GARIN1B: variants seen among roughly 807,000 people sequenced by gnomAD.
The protein encoded by GARIN1B is Golgi-associated RAB2 interactor protein 1B.
chr7:128,731,225 G>A, the GARIN1B span: 8 of 1,006,328 alleles, frequency 7.9e-6, no homozygotes, highest in African/African-American at 1.1e-4. Flanking sequence ...TGCAACCAAG[G>A]AAGAATAGAG....
chr7:128,725,884 C>A, the GARIN1B span, among the ~76,000 whole-genome samples: 1 of 152,178 alleles, frequency 6.6e-6, no homozygotes, highest in Admixed American at 6.5e-5. Context: ...CTCTCTGGCA[C>A]AGACAGCTTT....
At chr7:128,724,698 C>T in the GARIN1B span, 16 of 1,285,906 alleles carry the variant, frequency 1.2e-5, no homozygotes, top group Non-Finnish European at 1.4e-5. Flanking sequence ...AAGGAGAGAA[C>T]AGAAATAAAT....
chr7:128,731,193 G>C, the GARIN1B span: 2 of 1,320,088 alleles, frequency 1.5e-6, no homozygotes, highest in Non-Finnish European at 2.2e-6. Context: ...AGGGATTATC[G>C]GGATGGAGAG....
the GARIN1B span, among the ~76,000 whole-genome samples, chr7:128,716,296 C>A: frequency 6.6e-6 from 1 of 152,252 alleles, no homozygotes; most frequent in South Asian, 2.1e-4. Flanking sequence ...ATGAACAGCA[C>A]TTTGGAGTTA....
the GARIN1B span, among the ~76,000 whole-genome samples, chr7:128,725,338 T>TTTCCTTCCTTCCTTCCTTCCTTCCTTCC: frequency 2.0e-5 from 3 of 149,404 alleles, no homozygotes; most frequent in South Asian, 4.3e-4. Flanking sequence ...ATCAAATCAC[T>TTTCCTTCCTTCCTTCCTTCCTTCCTTCC]TTCCTTCCTT....
chr7:128,710,956 C>G, the GARIN1B span, among the ~76,000 whole-genome samples: 1 of 152,128 alleles, frequency 6.6e-6, no homozygotes, highest in Non-Finnish European at 1.5e-5. Context: ...CTGCGCCTGG[C>G]CTGGTTTTTC....
At chr7:128,717,063 T>G in the GARIN1B span, 1 of 1,428,246 alleles carries the variant, frequency 7.0e-7, no homozygotes, top group Non-Finnish European at 9.5e-7. Flanking sequence ...GGAGGTTGCT[T>G]GACTACTAAA....
At chr7:128,712,376 G>A in the GARIN1B span, among the ~76,000 whole-genome samples, 1 of 152,274 alleles carries the variant, frequency 6.6e-6, no homozygotes, top group East Asian at 1.9e-4. Context: ...GTGGCATGAA[G>A]TACATTCTCA....
the GARIN1B span, chr7:128,731,284 C>T: frequency 1.4e-6 from 1 of 714,854 alleles, no homozygotes. Flanking sequence ...TAACCACGTC[C>T]TCGCCACTGC....
chr7:128,722,071 G>A, the GARIN1B span, among the ~76,000 whole-genome samples: 1 of 151,938 alleles, frequency 6.6e-6, no homozygotes, highest in South Asian at 2.1e-4. Context: ...AATTTTCTTG[G>A]GATATCTTTG....
the GARIN1B span, among the ~76,000 whole-genome samples, chr7:128,719,995 C>T: frequency 2.0e-5 from 3 of 151,730 alleles, no homozygotes; most frequent in African/African-American, 7.3e-5. Context: ...GCACTGTGCC[C>T]GGCATTGACC....
the GARIN1B span, among the ~76,000 whole-genome samples, chr7:128,714,967 G>A: frequency 1.3e-5 from 2 of 152,222 alleles, no homozygotes; most frequent in African/African-American, 4.8e-5. Flanking sequence ...ATAACCTGCA[G>A]ATCCACCAGG....
the GARIN1B span, chr7:128,723,292 C>A: frequency 6.2e-7 from 1 of 1,612,646 alleles, no homozygotes; most frequent in South Asian, 1.1e-5. Context: ...AGATTTTTGC[C>A]GACTTACACC....
chr7:128,723,228 C>A, the GARIN1B span: 1 of 1,612,604 alleles, frequency 6.2e-7, no homozygotes, highest in East Asian at 2.2e-5. Context: ...GCCTCCCAGC[C>A]CAGCGAGAGT....
chr7:128,713,809 C>G, the GARIN1B span: 1 of 472,262 alleles, frequency 2.1e-6, no homozygotes, highest in African/African-American at 2.0e-5. Flanking sequence ...CAAGTATACT[C>G]AAATTGTATA....
At chr7:128,721,673 T>C in the GARIN1B span, among the ~76,000 whole-genome samples, 1 of 152,220 alleles carries the variant, frequency 6.6e-6, no homozygotes, top group Non-Finnish European at 1.5e-5. Flanking sequence ...TTCCTGATCT[T>C]AGGAAAAAAA....
At chr7:128,720,381 G>A in the GARIN1B span, among the ~76,000 whole-genome samples, 1 of 151,664 alleles carries the variant, frequency 6.6e-6, no homozygotes, top group Non-Finnish European at 1.5e-5. Context: ...GTATTTTTTG[G>A]TAGAGACAGG....
the GARIN1B span, among the ~76,000 whole-genome samples, chr7:128,711,350 A>T: frequency 6.6e-6 from 1 of 152,094 alleles, no homozygotes; most frequent in South Asian, 2.1e-4. Context: ...CAACCAGACA[A>T]ACCTAGAAGG....
the GARIN1B span, among the ~76,000 whole-genome samples, chr7:128,722,768 C>T: frequency 1.3e-5 from 2 of 151,970 alleles, no homozygotes; most frequent in Non-Finnish European, 2.9e-5. Flanking sequence ...CGCACCACTG[C>T]ACTCCAGCCT....
Sources: allele counts gnomAD v4.1 joint callset (sites outside exome capture counted in the v4.1 genomes callset), GRCh38; gene constraint gnomAD v4.1.1; transcripts MANE v1.5; gene names NCBI Gene and HGNC (gene_info 2026-07-23, HGNC 2026-07-21).